RGS6: variants seen among roughly 807,000 people sequenced by gnomAD.
The protein encoded by RGS6 is regulator of G-protein signaling 6.
RGS6 carries 30 observed loss-of-function variants against 78.5 expected under a neutral mutation model. That is an observed-to-expected ratio of 0.38 (90% CI 0.29 to 0.52). The LOEUF (loss-of-function observed/expected upper bound fraction) is 0.52, where lower values mean the gene tolerates loss of function less well. Ranked by LOEUF, RGS6 falls within the 20% of genes least tolerant of loss-of-function variation. RGS6 has a pLI of 0.85. For missense variants in RGS6, 495 were observed against 609.7 expected, an observed-to-expected ratio of 0.81 and a Z score of 1.98; for synonymous variants, 206 against 206.0, an observed-to-expected ratio of 1.00 and a Z score of 0.00.
chr14:71,964,575 A>G (rs943413846), intron 1 of RGS6, among the ~76,000 whole-genome samples, 197 bp from the exon 2 acceptor site: 7 of 152,230 alleles, frequency 4.6e-5, no homozygotes, highest in African/African-American at 1.4e-4. Context: ...CTGAAAATCA[A>G]TAACATGTTG....
intron 2 of RGS6, among the ~76,000 whole-genome samples, chr14:72,101,394 G>A (rs556176637): frequency 1.3e-5 from 2 of 152,284 alleles, no homozygotes; most frequent in East Asian, 3.9e-4. Flanking sequence ...TGTGTTCCTA[G>A]TACCAGAACT....
At chr14:72,322,844 T>C (rs1238636966) in intron 2 of RGS6, among the ~76,000 whole-genome samples, 1 of 152,106 alleles carries the variant, frequency 6.6e-6, no homozygotes, top group African/African-American at 2.4e-5. Flanking sequence ...TCTCTAATCT[T>C]GATGAAAAAC....
chr14:72,109,585 T>C (rs534633885), intron 2 of RGS6, among the ~76,000 whole-genome samples: 12 of 152,222 alleles, frequency 7.9e-5, no homozygotes, highest in Non-Finnish European at 1.2e-4. Context: ...AAATGTATTC[T>C]CTTTATCTTG....
At chr14:72,141,903 A>C (rs2096545026) in intron 2 of RGS6, among the ~76,000 whole-genome samples, 2 of 151,742 alleles carry the variant, frequency 1.3e-5, no homozygotes, top group African/African-American at 2.4e-5. Flanking sequence ...AAAAAAAAAA[A>C]AACAAAACCC....
At chr14:72,130,789 C>T (rs2096297087) in intron 2 of RGS6, among the ~76,000 whole-genome samples, 1 of 152,174 alleles carries the variant, frequency 6.6e-6, no homozygotes, top group African/African-American at 2.4e-5. Context: ...TCCCACTTTC[C>T]CCTAGAGCAG....
chr14:72,393,728 TG>T (rs2090529469), intron 3 of RGS6, among the ~76,000 whole-genome samples: 1 of 152,202 alleles, frequency 6.6e-6, no homozygotes, highest in African/African-American at 2.4e-5. Flanking sequence ...GACTGATGCC[TG>T]GTCATTCGCC....
At chr14:72,480,638 G>T (rs187306987) in intron 12 of RGS6, among the ~76,000 whole-genome samples, 3 of 152,242 alleles carry the variant, frequency 2.0e-5, no homozygotes, top group Admixed American at 2.0e-4. Context: ...GTGTTAGCTG[G>T]AGATAAAGCA....
intron 15 of RGS6, among the ~76,000 whole-genome samples, chr14:72,526,395 G>A (rs887236687): frequency 9.9e-5 from 15 of 152,282 alleles, no homozygotes; most frequent in African/African-American, 3.6e-4. Flanking sequence ...ATGAGCCACT[G>A]CGCCTGGCCA....
rs575597768 is a variant in RGS6, at chr14:72,412,041, GTC to G, written c.185-42483_185-42482del. ...GTCTAAAATTCTCTTTTTATGTGGT[GTC>G]TCTGCCAGGCTTTGGTATCAGGATG... On this transcript the variant is annotated intron_variant, in intron 3 of 17. Coordinates refer to ENST00000553525, the MANE Select transcript of RGS6 (RefSeq NM_001204424.2). Among the ~76,000 whole-genome samples the G allele has an allele frequency of 2.3e-3, 347 of 152,208 alleles. 4 individuals are homozygous for G. Among genetic ancestry groups the G allele is most frequent in the African/African-American group, 8.2e-3 (339 of 41,522 alleles).
the RGS6 span, among the ~76,000 whole-genome samples, chr14:72,580,389 T>C: frequency 2.0e-5 from 3 of 147,876 alleles, no homozygotes; most frequent in African/African-American, 7.5e-5. Flanking sequence ...TCCATATTCA[T>C]GGAGAATTGT....
chr14:72,266,417 T>C (rs2059080905), intron 2 of RGS6, among the ~76,000 whole-genome samples: 1 of 152,198 alleles, frequency 6.6e-6, no homozygotes, highest in Non-Finnish European at 1.5e-5. Context: ...TGCACAGTTA[T>C]GCCGTCCTCC....
At chr14:72,130,651 G>A (rs1453397727) in intron 2 of RGS6, among the ~76,000 whole-genome samples, 1 of 152,220 alleles carries the variant, frequency 6.6e-6, no homozygotes, top group African/African-American at 2.4e-5. Context: ...TCACAGGGTT[G>A]ATGACAAAGA....
intron 2 of RGS6, among the ~76,000 whole-genome samples, chr14:72,320,851 T>C (rs1048332161): frequency 1.3e-5 from 2 of 150,542 alleles, no homozygotes; most frequent in Admixed American, 6.6e-5. Context: ...ATCAAGTATA[T>C]TTAAATATAC....
intron 2 of RGS6, among the ~76,000 whole-genome samples, chr14:71,984,796 G>C (rs1310576030): frequency 6.6e-6 from 1 of 152,170 alleles, no homozygotes; most frequent in African/African-American, 2.4e-5. Context: ...CACATGGTAA[G>C]GTATTGGTAA....
intron 17 of RGS6, among the ~76,000 whole-genome samples, chr14:72,549,719 AGGTGT>A (rs1030763288): frequency 6.6e-6 from 1 of 152,122 alleles, no homozygotes; most frequent in Non-Finnish European, 1.5e-5. Context: ...AAAATGAGCC[AGGTGT>A]GGTGGCACAT....
chr14:72,222,067 A>C (rs994458467), intron 2 of RGS6, among the ~76,000 whole-genome samples: 5 of 152,260 alleles, frequency 3.3e-5, no homozygotes, highest in Non-Finnish European at 7.3e-5. Flanking sequence ...CATGTAATTT[A>C]TAAGAGGGAT....
At chr14:72,454,699 C>T (rs570941791) in intron 4 of RGS6, 121 bp downstream of exon 4, 5 of 681,708 alleles carry the variant, frequency 7.3e-6, no homozygotes, top group South Asian at 3.9e-5. Flanking sequence ...AATTCCAAGA[C>T]GTGGAATCAC....
chr14:72,456,300 T>A (rs1167612398), intron 4 of RGS6, among the ~76,000 whole-genome samples: 1 of 152,222 alleles, frequency 6.6e-6, no homozygotes, highest in East Asian at 1.9e-4. Flanking sequence ...TGGTTATTTT[T>A]TGGTTTTTGA....
chr14:72,025,454 T>G (rs897674956), intron 2 of RGS6, among the ~76,000 whole-genome samples: 1 of 152,058 alleles, frequency 6.6e-6, no homozygotes, highest in African/African-American at 2.4e-5. Context: ...TAAAAGATAT[T>G]AATGTTGGGA....
Sources: allele counts gnomAD v4.1 joint callset (sites outside exome capture counted in the v4.1 genomes callset), GRCh38; gene constraint gnomAD v4.1.1; transcripts MANE v1.5; gene names NCBI Gene and HGNC (gene_info 2026-07-23, HGNC 2026-07-21).